ARSG: variants seen among roughly 807,000 people sequenced by gnomAD.
ARSG encodes the protein ASG.
A neutral mutation model predicts 50.5 loss-of-function variants in ARSG; 37 were observed. That is an observed-to-expected ratio of 0.73 (90% confidence interval 0.56 to 0.96). The LOEUF is 0.96. Among genes scored for constraint, ARSG ranks in the 50% least tolerant of loss-of-function variants. ARSG has a pLI of 0.00. For synonymous variants in ARSG, 225 were observed against 254.6 expected (o/e 0.88, Z 1.11); for missense variants, 629 against 675.3 (o/e 0.93, Z 0.76).
At position 68,385,125 on chromosome 17, in the gene ARSG, C is replaced by G. The variant is rs774465457; in HGVS notation, c.1044C>G (p.Tyr348Ter). ...GGCACCGGGTCCCAGCACTGGCTTACTGGCCTGGCAGAGTTCCAGTTAATG... is the reference window on the plus strand; with the variant it reads ...GGCACCGGGTCCCAGCACTGGCTTAGTGGCCTGGCAGAGTTCCAGTTAATG... ...EGGHRVPALA[Y>*]WPGRVPVNVT... The change falls in exon 9 of 12, where the codon TAC becomes TAG. Residue 348 changes from tyrosine (Y) to a stop codon, truncating the protein, a stop_gained. Coordinates refer to ENST00000621439, the MANE Select transcript of ARSG (RefSeq NM_001267727.2). LOFTEE classifies it high-confidence loss of function. The G allele has an allele frequency of 6.2e-7, 1 of 1,613,974 alleles. No homozygotes were observed. Among genetic ancestry groups the G allele is most frequent in the South Asian group, 1.1e-5 (1 of 91,090 alleles).
At chr17:68,404,431 C>T (rs1009905143) in intron 11 of ARSG, among the ~76,000 whole-genome samples, 2 of 152,140 alleles carry the variant, frequency 1.3e-5, no homozygotes, top group African/African-American at 2.4e-5. Flanking sequence ...ATGTAGATAC[C>T]GTGTATGTAC....
At chr17:68,426,251 G>GGGGGGGC, downstream of ARSG, 1 of 825,460 alleles carries the variant, frequency 1.2e-6, no homozygotes, top group Non-Finnish European at 1.9e-6. Context: ...GTGGGGAGCG[G>GGGGGGGC]GGGCTCAAAT....
chr17:68,385,005 T>C, intron 8 of ARSG, 59 bp from the exon 9 acceptor site: 2 of 1,418,682 alleles, frequency 1.4e-6, no homozygotes, highest in African/African-American at 1.4e-5. Context: ...AGCTCTTAGC[T>C]GAAAAGAAGT....
rs577741015 is a variant in ARSG, at chr17:68,357,487, T to C, written c.704+683T>C. ...ATAGCACTTGTGATGGCGTTTAGGG[T>C]CCACCAGGAGAATCCAAGGTGATCC... On this transcript the variant is annotated intron_variant, in intron 6 of 11. Transcript: ENST00000621439. Among the ~76,000 whole-genome samples the C allele has an allele frequency of 2.0e-5, 3 of 152,318 alleles. No individual in the cohort carries two copies. The South Asian group carries it at 6.2e-4, about 32-fold the overall frequency.
the ARSG span, among the ~76,000 whole-genome samples, chr17:68,436,945 G>A: frequency 2.0e-5 from 3 of 151,642 alleles, no homozygotes; most frequent in African/African-American, 7.3e-5. Flanking sequence ...AGTGAGTGGA[G>A]ATCGTGCCAC....
intron 6 of ARSG, among the ~76,000 whole-genome samples, chr17:68,360,523 C>T (rs977455675): frequency 2.0e-5 from 3 of 152,324 alleles, no homozygotes; most frequent in Non-Finnish European, 2.9e-5. Flanking sequence ...CCAAGACCCT[C>T]GACGTAGTAC....
intron 6 of ARSG, among the ~76,000 whole-genome samples, chr17:68,358,171 C>G (rs1274024009): frequency 1.3e-5 from 2 of 151,732 alleles, no homozygotes; most frequent in South Asian, 2.1e-4. Flanking sequence ...TCACTGCATT[C>G]CAGCCTGGGT....
In ARSG at chr17:68,381,354, TTTAA is replaced by T. The variant is rs1300699922; in HGVS notation, c.983-3706_983-3703del. 6.6e-6 allele frequency among the ~76,000 whole-genome samples: 1 copy of T among 152,228 alleles called. No homozygotes were observed. The highest frequency in any genetic ancestry group is 1.5e-5 in the Non-Finnish European group (1 of 68,044). ...TATTTATTGCTTTAAGAGGTTCTGCTTTAATTAGAGTCACAAGTAACCACAAGTG... is the reference window on the plus strand; with the variant it reads ...TATTTATTGCTTTAAGAGGTTCTGCTTTAGAGTCACAAGTAACCACAAGTG... On this transcript the variant is annotated intron_variant, in intron 8 of 11. Transcript: ENST00000621439. The surrounding 1 kb of genome is among the most constrained non-coding windows in gnomAD (Gnocchi z 4.1).
At chr17:68,450,636 G>C in the ARSG span, 1 of 1,476,184 alleles carries the variant, frequency 6.8e-7, no homozygotes, top group Non-Finnish European at 9.1e-7. Context: ...TTGGAAGCTT[G>C]TTTTACAGAC....
intron 1 of ARSG, among the ~76,000 whole-genome samples, chr17:68,282,065 G>A (rs551198333): frequency 1.2e-4 from 18 of 151,986 alleles, no homozygotes; most frequent in Non-Finnish European, 2.4e-4. Flanking sequence ...TGTTTATTGC[G>A]GCACTATTCA....
chr17:68,403,575 CATTAG>C (rs2081573078), intron 11 of ARSG, among the ~76,000 whole-genome samples: 1 of 152,296 alleles, frequency 6.6e-6, no homozygotes, highest in Admixed American at 6.5e-5. Flanking sequence ...ACATCTACTA[CATTAG>C]ATTAGAGAAA....
At chr17:68,419,960 A>G (rs1391310129) in intron 11 of ARSG, among the ~76,000 whole-genome samples, 1 of 152,224 alleles carries the variant, frequency 6.6e-6, no homozygotes, top group African/African-American at 2.4e-5. Context: ...CCCTGCCTCA[A>G]AAAACAAAAA....
At chr17:68,430,292 G>T in the ARSG span, 2 of 856,138 alleles carry the variant, frequency 2.3e-6, no homozygotes, top group Non-Finnish European at 1.8e-6. Flanking sequence ...ATAATGTTCT[G>T]CCCACTGAGA....
chr17:68,396,215 C>A (rs1368945118), intron 10 of ARSG, among the ~76,000 whole-genome samples: 1 of 152,128 alleles, frequency 6.6e-6, no homozygotes, highest in Non-Finnish European at 1.5e-5. Context: ...TGAGGTTTCA[C>A]CATCTTGACC....
intron 11 of ARSG, among the ~76,000 whole-genome samples, chr17:68,404,031 C>T (rs925699579): frequency 6.6e-6 from 1 of 152,164 alleles, no homozygotes; most frequent in African/African-American, 2.4e-5. Context: ...CTACCAAGGA[C>T]GTGAACTCAT....
At chr17:68,341,931 T>C (rs2078286725) in intron 2 of ARSG, among the ~76,000 whole-genome samples, 1 of 152,140 alleles carries the variant, frequency 6.6e-6, no homozygotes, top group African/African-American at 2.4e-5. Context: ...GCGATTCTCC[T>C]GCCTCAGCCT....
chr17:68,324,129 A>G (rs1177494456), intron 2 of ARSG, among the ~76,000 whole-genome samples: 2 of 151,920 alleles, frequency 1.3e-5, no homozygotes, highest in Non-Finnish European at 2.9e-5. Flanking sequence ...CAAGCTTCAC[A>G]AAGTAAAGGA....
the ARSG span, chr17:68,444,581 C>T: frequency 6.2e-7 from 1 of 1,613,256 alleles, no homozygotes. Context: ...CTAGGCAAAC[C>T]AGCAGCCTCT....
At chr17:68,379,993 C>G (rs888282314) in intron 8 of ARSG, 4 of 430,488 alleles carry the variant, frequency 9.3e-6, no homozygotes, top group African/African-American at 8.6e-5. Context: ...CTGCATGGGT[C>G]CACGTAATAC....
Sources: allele counts gnomAD v4.1 joint callset (sites outside exome capture counted in the v4.1 genomes callset), GRCh38; gene constraint gnomAD v4.1.1; non-coding constraint Gnocchi (gnomAD v3.1); transcripts MANE v1.5; gene names NCBI Gene and HGNC (gene_info 2026-07-23, HGNC 2026-07-21).